Variants in COG5 observed in about 807,000 individuals in gnomAD.
COG5 encodes the protein component of oligomeric golgi complex 5, also known as conserved oligomeric Golgi complex subunit 5.
COG5 carries 86 observed loss-of-function variants against 110.4 expected under a neutral mutation model. That is an observed-to-expected ratio of 0.78 (90% CI 0.65 to 0.93). The LOEUF (loss-of-function observed/expected upper bound fraction) is 0.93, where lower values mean the gene tolerates loss of function less well. Ranked by LOEUF, COG5 falls within the 40% of genes least tolerant of loss-of-function variation. The probability of loss-of-function intolerance (pLI) is 0.00; values close to 1 mark genes in which losing one functional copy is unlikely to be tolerated. For synonymous variants in COG5, 360 were observed against 334.6 expected, an observed-to-expected ratio of 1.08 and a Z score of -0.83; for missense variants, 1,077 against 987.0, an observed-to-expected ratio of 1.09 and a Z score of -1.22.
chr7:107,402,305 A>C (rs3757713), intron 7 of COG5, among the ~76,000 whole-genome samples: 23,641 of 152,136 alleles, frequency 0.16, 2,291 homozygotes, highest in Non-Finnish European at 0.21. Flanking sequence ...CAGGGTCGAG[A>C]TTATAGCCAG....
intron 11 of COG5, among the ~76,000 whole-genome samples, chr7:107,300,308 T>C (rs1194934527): frequency 6.6e-6 from 1 of 152,092 alleles, no homozygotes; most frequent in Admixed American, 6.6e-5. Context: ...TCTAATATCC[T>C]AGAGGTTCTG....
intron 11 of COG5, 95 bp from the exon 12 acceptor site, chr7:107,298,441 A>T: frequency 1.0e-6 from 1 of 976,318 alleles, no homozygotes. Context: ...AACCCATACT[A>T]TAGGGCAAAC....
intron 10 of COG5, among the ~76,000 whole-genome samples, chr7:107,347,206 A>T (rs1811696268): frequency 6.6e-6 from 1 of 152,210 alleles, no homozygotes; most frequent in Non-Finnish European, 1.5e-5. Context: ...TGTTGTTAAA[A>T]AGAGGTATTA....
chr7:107,329,257 G>A (rs1810032781), intron 10 of COG5, among the ~76,000 whole-genome samples: 1 of 152,160 alleles, frequency 6.6e-6, no homozygotes, highest in African/African-American at 2.4e-5. Context: ...CTAAAGAGAT[G>A]TACTAAGAAG....
intron 19 of COG5, among the ~76,000 whole-genome samples, chr7:107,218,449 A>G (rs1235830719): frequency 6.6e-6 from 1 of 152,144 alleles, no homozygotes; most frequent in African/African-American, 2.4e-5. Context: ...ATTTTAAACT[A>G]TATTACAGAG....
At chr7:107,272,381 T>TA (rs1396840622) in intron 14 of COG5, among the ~76,000 whole-genome samples, 1 of 152,204 alleles carries the variant, frequency 6.6e-6, no homozygotes, top group African/African-American at 2.4e-5. Flanking sequence ...CCACTGTTCA[T>TA]CTTACATATG....
chr7:107,429,701 C>G (rs76859341), intron 6 of COG5, among the ~76,000 whole-genome samples: 28,950 of 151,966 alleles, frequency 0.19, 2,883 homozygotes, highest in Non-Finnish European at 0.22. Flanking sequence ...GGAGGTAATC[C>G]AATTATGGGG....
intron 6 of COG5, among the ~76,000 whole-genome samples, chr7:107,527,010 T>G (rs1412648061): frequency 6.6e-6 from 1 of 152,116 alleles, no homozygotes. Context: ...GACCTGTATA[T>G]GAAAAAGGAC....
rs112104846 is a variant in COG5, at chr7:107,246,792, A to G, written c.1853+1604T>C. Among the ~76,000 whole-genome samples the G allele has an allele frequency of 6.1e-3, 935 of 152,336 alleles. 2 individuals carry two copies. Among genetic ancestry groups the G allele is most frequent in the Non-Finnish European group, 9.7e-3 (658 of 68,036 alleles). ...GGTGGGAGTGTAAATTAGTTCAACC[A>G]TTGTGGAAGGCAGTATGGTGATTCC... is the stretch of plus-strand genomic sequence containing the variant. On this transcript the variant is annotated intron_variant, in intron 17 of 21. Transcript: ENST00000297135.
chr7:107,493,132 C>A (rs1225566270), intron 6 of COG5, among the ~76,000 whole-genome samples: 1 of 152,080 alleles, frequency 6.6e-6, no homozygotes, highest in Non-Finnish European at 1.5e-5. Flanking sequence ...CTGCTCTTAT[C>A]CCACAAAGGA....
At chr7:107,296,991 CTT>C (rs980085290) in intron 12 of COG5, among the ~76,000 whole-genome samples, 1 of 152,178 alleles carries the variant, frequency 6.6e-6, no homozygotes, top group African/African-American at 2.4e-5. Flanking sequence ...TTAAAATACT[CTT>C]TCAATTTTGG....
chr7:107,341,163 G>C (rs891217369), intron 10 of COG5, among the ~76,000 whole-genome samples: 3 of 152,114 alleles, frequency 2.0e-5, no homozygotes, highest in Admixed American at 2.0e-4. Flanking sequence ...GAACTGACAA[G>C]TGATTATAGC....
At chr7:107,320,524 A>C (rs1455044986) in intron 11 of COG5, among the ~76,000 whole-genome samples, 1 of 152,218 alleles carries the variant, frequency 6.6e-6, no homozygotes, top group African/African-American at 2.4e-5. Context: ...CAACACTAAG[A>C]GATCTCAAGA....
intron 13 of COG5, among the ~76,000 whole-genome samples, chr7:107,281,916 T>C (rs1330456107): frequency 1.3e-5 from 2 of 152,036 alleles, no homozygotes; most frequent in Non-Finnish European, 2.9e-5. Context: ...AGGACTATAA[T>C]TACAAATTTT....
chr7:107,540,469 T>C (rs1301037627), intron 5 of COG5, among the ~76,000 whole-genome samples: 3 of 151,458 alleles, frequency 2.0e-5, no homozygotes, highest in South Asian at 2.1e-4. Context: ...TCCCAGCTAC[T>C]TGGGAGGCTG....
chr7:107,346,673 A>C (rs2129038883), intron 10 of COG5, among the ~76,000 whole-genome samples: 1 of 152,254 alleles, frequency 6.6e-6, no homozygotes, highest in Admixed American at 6.5e-5. Context: ...AGGTTTTCTA[A>C]CACCACATAA....
intron 17 of COG5, 54 bp downstream of exon 17, chr7:107,248,342 G>C (rs945213144): frequency 1.2e-5 from 13 of 1,086,220 alleles, no homozygotes; most frequent in Non-Finnish European, 1.9e-5. Context: ...ATAGAGGTGG[G>C]AATACAAAAT....
intron 14 of COG5, among the ~76,000 whole-genome samples, chr7:107,275,656 T>C (rs1345162766): frequency 1.3e-5 from 2 of 151,950 alleles, no homozygotes; most frequent in East Asian, 3.9e-4. Flanking sequence ...CCTGGGTTCA[T>C]GCGATTCTCC....
intron 17 of COG5, among the ~76,000 whole-genome samples, chr7:107,238,055 G>C (rs1367745871): frequency 6.6e-6 from 1 of 152,008 alleles, no homozygotes; most frequent in Non-Finnish European, 1.5e-5. Context: ...ATACAGTGTG[G>C]AATGACTGAA....
Sources: allele counts gnomAD v4.1 joint callset (sites outside exome capture counted in the v4.1 genomes callset), GRCh38; gene constraint gnomAD v4.1.1; transcripts MANE v1.5; gene names NCBI Gene and HGNC (gene_info 2026-07-23, HGNC 2026-07-21).